LRPPRC: variants seen among roughly 807,000 people sequenced by gnomAD.
LRPPRC encodes the protein leucine rich pentatricopeptide repeat containing, also known as leucine-rich PPR motif-containing protein, mitochondrial.
A neutral mutation model predicts 180.3 loss-of-function variants in LRPPRC; 120 were observed. The observed-to-expected ratio is 0.67, with a 90% CI of 0.57 to 0.77. LRPPRC has a LOEUF of 0.77. Among genes scored for constraint, LRPPRC ranks in the 30% least tolerant of loss-of-function variants. The pLI, the probability that LRPPRC is intolerant of heterozygous loss-of-function variation, is 0.00. For missense variants in LRPPRC, 2,012 were observed against 1,657.2 expected (o/e 1.21, Z -3.72); for synonymous variants, 723 against 600.0 (o/e 1.21, Z -3.00).
chr2:43,890,386 G>C (rs1451617323), intron 36 of LRPPRC: 3 of 469,248 alleles, frequency 6.4e-6, no homozygotes, highest in African/African-American at 4.0e-5. Flanking sequence ...AACAAATATG[G>C]AAAGTATAGT....
chr2:43,981,657 C>A (rs62135115), intron 2 of LRPPRC, among the ~76,000 whole-genome samples: 1 of 150,874 alleles, frequency 6.6e-6, no homozygotes, highest in Non-Finnish European at 1.5e-5. Flanking sequence ...GATACTCCAT[C>A]CCAAAAAAAA....
chr2:43,972,416 T>G (rs975247393), intron 11 of LRPPRC, among the ~76,000 whole-genome samples: 3 of 152,234 alleles, frequency 2.0e-5, no homozygotes, highest in East Asian at 3.8e-4. Flanking sequence ...TGTGACATGG[T>G]TGTGGAAAGC....
intron 22 of LRPPRC, among the ~76,000 whole-genome samples, chr2:43,945,103 G>C (rs907965579): frequency 6.6e-6 from 1 of 152,066 alleles, no homozygotes; most frequent in African/African-American, 2.4e-5. Context: ...AAAACTAGCT[G>C]CAGAAATGCA....
rs560548084 is a variant in LRPPRC at position 43,894,805 on chromosome 2, C to T, written c.3901-176G>A. Among the ~76,000 whole-genome samples the T allele has an allele frequency of 7.0e-4, 106 of 152,304 alleles. 1 individual carries two copies. Among genetic ancestry groups the T allele is most frequent in the African/African-American group, 2.5e-3 (104 of 41,578 alleles). On this transcript the variant is annotated intron_variant, in intron 35 of 37. Coordinates refer to ENST00000260665, the MANE Select transcript of LRPPRC (RefSeq NM_133259.4). ...CATTTGATATTGACTCAATAATCTA[C>T]AGCTAAAAGAAACCAGCATTTTTCC...
chr2:43,983,335 A>G (rs1177624129), intron 1 of LRPPRC, among the ~76,000 whole-genome samples: 1 of 42,488 alleles, frequency 2.4e-5, no homozygotes, highest in Non-Finnish European at 8.9e-5. Context: ...AGAGACTAGG[A>G]AAAAAAACAC....
intron 20 of LRPPRC, among the ~76,000 whole-genome samples, chr2:43,946,593 A>G (rs529306461): frequency 5.9e-5 from 9 of 152,212 alleles, no homozygotes; most frequent in African/African-American, 1.9e-4. Flanking sequence ...GGATGCAGAA[A>G]TATGTATCAT....
In LRPPRC at chr2:43,952,312, G is replaced by C. The variant is rs17031774; in HGVS notation, c.1650-1712C>G. Among the ~76,000 whole-genome samples the C allele has an allele frequency of 3.2e-3, 489 of 152,220 alleles. 6 individuals are homozygous for C. Among genetic ancestry groups the C allele is most frequent in the African/African-American group, 0.011 (470 of 41,532 alleles). ...ACATATACCTAAAACAACTGAAAAT[G>C]ACTAAAAGCACTACCTTGAATGTGA... On this transcript the variant is annotated intron_variant, in intron 14 of 37. Transcript: ENST00000260665.
intron 30 of LRPPRC, among the ~76,000 whole-genome samples, chr2:43,910,670 T>C (rs2105009901): frequency 6.6e-6 from 1 of 152,310 alleles, no homozygotes; most frequent in East Asian, 1.9e-4. Context: ...ACATGATTCT[T>C]CAATCACTTG....
rs926106885 is a variant in LRPPRC at position 43,927,400 on chromosome 2, C to T, written c.2737-1439G>A. The stretch of plus-strand genomic sequence containing the variant: ...TAGACTAGAAGTTGGATAGCTTGTT[C>T]TCATTTCCTATATCATCCACTTTTT... On this transcript the variant is annotated intron_variant, in intron 25 of 37. Transcript: ENST00000260665. Among the ~76,000 whole-genome samples, 7 of 152,144 alleles carry T rather than the reference C, an allele frequency of 4.6e-5. No homozygotes were observed. In the South Asian group the frequency reaches 6.2e-4, roughly 14 times the overall value.
intron 3 of LRPPRC, among the ~76,000 whole-genome samples, chr2:43,979,079 G>C (rs1035900165): frequency 1.3e-5 from 2 of 151,854 alleles, no homozygotes; most frequent in African/African-American, 2.4e-5. Flanking sequence ...TTTTAAATCA[G>C]GAATGAACAT....
chr2:43,938,524 T>A (rs1039189678), intron 23 of LRPPRC, among the ~76,000 whole-genome samples: 3 of 152,182 alleles, frequency 2.0e-5, no homozygotes, highest in Non-Finnish European at 2.9e-5. Context: ...AGAATTCACT[T>A]CTTAAGGGAA....
intron 2 of LRPPRC, 22 bp downstream of exon 2, chr2:43,982,216 T>C (rs773396258): frequency 2.0e-6 from 3 of 1,534,202 alleles, no homozygotes; most frequent in South Asian, 1.3e-5. Context: ...GTCAACTTTA[T>C]GAACAGGAAA....
chr2:43,986,464 T>C (rs1559064336), intron 1 of LRPPRC, among the ~76,000 whole-genome samples: 1 of 152,212 alleles, frequency 6.6e-6, no homozygotes. Flanking sequence ...CTCCACTTTT[T>C]TTCTTCTTCA....
intron 1 of LRPPRC, among the ~76,000 whole-genome samples, chr2:43,994,654 C>G (rs900051357): frequency 6.6e-6 from 1 of 152,178 alleles, no homozygotes; most frequent in Admixed American, 6.5e-5. Flanking sequence ...TACGCGAGCT[C>G]TCAAAGTACC....
intron 37 of LRPPRC, 34 bp downstream of exon 37, chr2:43,889,700 A>T: frequency 6.6e-7 from 1 of 1,517,512 alleles, no homozygotes; most frequent in African/African-American, 1.4e-5. Context: ...AAATCTGCAG[A>T]GGTATTTTTT....
chr2:43,979,489 T>C (rs559250212), intron 3 of LRPPRC, among the ~76,000 whole-genome samples: 1 of 152,184 alleles, frequency 6.6e-6, no homozygotes, highest in Non-Finnish European at 1.5e-5. Flanking sequence ...AGAATATCCT[T>C]TTGCATATGT....
At chr2:43,914,487 G>A (rs1671369997) in intron 29 of LRPPRC, among the ~76,000 whole-genome samples, 1 of 152,172 alleles carries the variant, frequency 6.6e-6, no homozygotes, top group Non-Finnish European at 1.5e-5. Context: ...CAGCACTTTG[G>A]GAGGCCAAAG....
chr2:43,911,933 A>C lies in LRPPRC; in HGVS notation c.3275+499T>G, dbSNP rs1671277301. Among the ~76,000 whole-genome samples the C allele has an allele frequency of 1.3e-5, 2 of 152,292 alleles. 1 individual carries two copies. Among genetic ancestry groups the C allele is most frequent in the South Asian group, 4.1e-4 (2 of 4,826 alleles). On this transcript the variant is annotated intron_variant, in intron 30 of 37. Transcript: ENST00000260665. The stretch of plus-strand genomic sequence containing the variant: ...TACTTCACTCTACCTTCTTCAACAC[A>C]TAGAAGAAATCTTTAATATTAAGTA...
intron 2 of LRPPRC, among the ~76,000 whole-genome samples, chr2:43,980,911 T>C (rs981019777): frequency 2.0e-5 from 3 of 152,268 alleles, no homozygotes; most frequent in East Asian, 1.9e-4. Flanking sequence ...GTAGTGATGG[T>C]TGAATAAATA....
Sources: allele counts gnomAD v4.1 joint callset (sites outside exome capture counted in the v4.1 genomes callset), GRCh38; gene constraint gnomAD v4.1.1; transcripts MANE v1.5; gene names NCBI Gene and HGNC (gene_info 2026-07-23, HGNC 2026-07-21).